The following GNAS variants were observed in gnomAD, a reference collection of about 807,000 sequenced individuals.
The protein encoded by GNAS is protein ALEX.
A neutral mutation model predicts 54.5 loss-of-function variants in GNAS; 8 were observed. The observed-to-expected ratio is 0.15, with a 90% confidence interval of 0.09 to 0.26. The LOEUF is 0.26. Among genes scored for constraint, GNAS ranks in the 10% least tolerant of loss-of-function variants. GNAS has a pLI of 1.00. For missense variants in GNAS, 170 were observed against 529.8 expected (o/e 0.32, Z 6.67); for synonymous variants, 204 against 191.4 (o/e 1.07, Z -0.54).
chr20:58,888,998 C>T (rs1355195814), upstream of GNAS: 2 of 915,100 alleles, frequency 2.2e-6, no homozygotes, highest in East Asian at 1.2e-4. Flanking sequence ...CACGCCCGCG[C>T]GGTCCCGGCA....
At chr20:58,871,138 G>A (rs1424179953) in intron 1 of GNAS, among the ~76,000 whole-genome samples, 1 of 152,216 alleles carries the variant, frequency 6.6e-6, no homozygotes, top group African/African-American at 2.4e-5. Context: ...GCGGGGAAGA[G>A]CAGGGAAAGA....
At chr20:58,901,182 AT>A (rs1041771760) in intron 3 of GNAS, among the ~76,000 whole-genome samples, 8 of 152,160 alleles carry the variant, frequency 5.3e-5, no homozygotes, top group Non-Finnish European at 1.0e-4. Context: ...ATGGGAATAG[AT>A]TTGCCCTAGG....
rs1260022817 is a variant in GNAS, at chr20:58,891,621, C to CCCGG, written c.-103_-100dup. On this transcript the variant is annotated 5_prime_UTR_variant, in exon 1 of 13. Transcript: ENST00000371085. Reference sequence around the variant, plus strand: ...TCCTTGCCGAGGAGCCGAGCCCGCGCCCGGCCCGCCCGCCCGGCGCTGCCC... The same window carrying CCCGG: ...TCCTTGCCGAGGAGCCGAGCCCGCGCCCGGCCGGCCCGCCCGCCCGGCGCTGCCC... 188 of 971,014 alleles carry CCCGG rather than the reference C, an allele frequency of 1.9e-4. 1 individual carries two copies. In the African/African-American group the frequency reaches 3.1e-3, roughly 16 times the overall value. 60.1% of individuals were successfully genotyped at this position (971,014 alleles called of 1,614,324 possible).
At chr20:58,907,607 TTC>T (rs915645081) in intron 6 of GNAS, among the ~76,000 whole-genome samples, 1 of 152,234 alleles carries the variant, frequency 6.6e-6, no homozygotes, top group Non-Finnish European at 1.5e-5. Flanking sequence ...GGGTTTCGTT[TTC>T]TCTCTCAAAT....
intron 1 of GNAS, among the ~76,000 whole-genome samples, chr20:58,874,135 C>T (rs77617922): frequency 0.014 from 2,171 of 152,244 alleles, 56 homozygotes; most frequent in African/African-American, 0.049. Context: ...GATAGACCTC[C>T]CTGTTGATAG....
intron 1 of GNAS, among the ~76,000 whole-genome samples, chr20:58,892,863 A>G (rs577049966): frequency 1.3e-5 from 2 of 149,128 alleles, no homozygotes; most frequent in South Asian, 4.4e-4. Context: ...AATTAATTGT[A>G]GCAGCTGCCC....
chr20:58,867,770 T>C (rs1235241974), intron 1 of GNAS, among the ~76,000 whole-genome samples: 1 of 152,162 alleles, frequency 6.6e-6, no homozygotes, highest in Non-Finnish European at 1.5e-5. Context: ...GGTCCTGCCA[T>C]GGTCAGGAGA....
At chr20:58,871,506 C>T (rs564099024) in intron 1 of GNAS, among the ~76,000 whole-genome samples, 40 of 149,518 alleles carry the variant, frequency 2.7e-4, no homozygotes, top group Non-Finnish European at 5.2e-4. Flanking sequence ...TCTAGCTACT[C>T]GGGAGGCTGA....
At chr20:58,903,444 C>A in intron 3 of GNAS, 87 bp from the exon 4 acceptor site, 1 of 1,096,898 alleles carries the variant, frequency 9.1e-7, no homozygotes, top group Non-Finnish European at 1.4e-6. Context: ...GAATACTATG[C>A]TTTTTAGTCG....
intron 1 of GNAS, among the ~76,000 whole-genome samples, chr20:58,869,133 T>C (rs984250330): frequency 7.2e-5 from 11 of 152,228 alleles, no homozygotes; most frequent in Non-Finnish European, 1.3e-4. Context: ...AAGCACACGA[T>C]CAGGTAACCT....
chr20:58,869,668 C>T (rs555688906), intron 1 of GNAS, among the ~76,000 whole-genome samples: 2 of 152,200 alleles, frequency 1.3e-5, no homozygotes, highest in Non-Finnish European at 2.9e-5. Flanking sequence ...CATTGCTTTT[C>T]CATTCATGCA....
intron 1 of GNAS, among the ~76,000 whole-genome samples, chr20:58,883,634 A>C (rs1006946811): frequency 2.0e-5 from 3 of 152,194 alleles, no homozygotes; most frequent in Non-Finnish European, 4.4e-5. Flanking sequence ...CTGACAGGCC[A>C]GTGAGAGTTC....
chr20:58,909,712 C>T lies in GNAS; in HGVS notation c.747C>T (p.Ala249=). The T allele has an allele frequency of 1.2e-6, 2 of 1,613,928 alleles. No homozygotes were observed. Among genetic ancestry groups the T allele is most frequent in the African/African-American group, 2.7e-5 (2 of 75,018 alleles). ...TGACTGCCATCATCTTCGTGGTGGC[C>T]AGCAGCAGCTACAACATGGTCATCC... ...NDVTAIIFVV[A]SSSYNMVIRE... Residue 249 remains alanine, a synonymous_variant, in exon 10 of 13, where the codon GCC becomes GCT. Transcript: ENST00000371085. The surrounding 1 kb of genome is among the most constrained non-coding windows in gnomAD (Gnocchi z 7.3).
At chr20:58,896,704 G>A (rs942166984) in intron 2 of GNAS, among the ~76,000 whole-genome samples, 3 of 151,870 alleles carry the variant, frequency 2.0e-5, no homozygotes, top group Admixed American at 6.6e-5. Flanking sequence ...AGCATTAACC[G>A]CACTAGATTT....
At chr20:58,852,610 G>A (rs2086225104) in intron 1 of GNAS, 1 of 180,014 alleles carries the variant, frequency 5.6e-6, no homozygotes, top group Non-Finnish European at 1.2e-5. Context: ...GGGTTGGGGA[G>A]GGAGGGTTTC....
At chr20:58,899,151 G>A (rs986941829) in intron 3 of GNAS, among the ~76,000 whole-genome samples, 166 bp downstream of exon 3, 13 of 152,170 alleles carry the variant, frequency 8.5e-5, no homozygotes, top group Admixed American at 7.2e-4. Context: ...CTGACATTTT[G>A]GAGCAAGTAA....
At chr20:58,893,689 T>C (rs1011882404) in intron 1 of GNAS, among the ~76,000 whole-genome samples, 1 of 152,224 alleles carries the variant, frequency 6.6e-6, no homozygotes, top group Non-Finnish European at 1.5e-5. Flanking sequence ...CTGTCTTGTC[T>C]AAAACTTTTA....
In GNAS at chr20:58,853,079, G is replaced by T; in HGVS notation, c.43+12193G>T. On this transcript the variant is annotated intron_variant, in intron 1 of 12. Coordinates refer to the GNAS transcript ENST00000306090. This position sits in a 1 kb window ranked among gnomAD's most constrained non-coding sequence, Gnocchi z 4.4. ...CACCAGCAACAATTGAGTTGCTTCA[G>T]CCTCAGTCTAGGGTTCCTTCCAGGC... 1 of 1,395,318 alleles carries T rather than the reference G, an allele frequency of 7.2e-7. No individual in the cohort carries two copies. Among genetic ancestry groups the T allele is most frequent in the Non-Finnish European group, 9.3e-7 (1 of 1,080,844 alleles). The allele number at this position is 1,395,318 out of a possible 1,614,324, so 86.4% of individuals were successfully genotyped here.
At chr20:58,888,554 C>T (rs1031506303), upstream of GNAS, 3 of 152,216 alleles carry the variant, frequency 2.0e-5, no homozygotes, top group Admixed American at 6.5e-5. Flanking sequence ...TCCAGAGCCC[C>T]CAGGGCGCCC....
Sources: gnomAD v4.1 joint callset for allele counts (sites outside exome capture counted in the v4.1 genomes callset) on GRCh38, gnomAD v4.1.1 for gene constraint, Gnocchi (gnomAD v3.1) non-coding constraint, MANE v1.5 for transcripts, NCBI Gene and HGNC (gene_info 2026-07-23, HGNC 2026-07-21) for gene names.